CDK6: variants seen among roughly 807,000 people sequenced by gnomAD.
CDK6 encodes the protein cyclin dependent kinase 6.
A neutral mutation model predicts 37.1 loss-of-function variants in CDK6; 6 were observed. The ratio of observed to expected loss-of-function variants is 0.16; its 90% CI spans 0.09 to 0.32. CDK6 has a LOEUF of 0.32. CDK6 is among the 10% of genes least tolerant of loss of function. CDK6 has a pLI of 1.00. For missense variants in CDK6, 224 were observed against 418.9 expected (o/e 0.53, Z 4.06); for synonymous variants, 160 against 161.3 (o/e 0.99, Z 0.06).
rs929714659 is a variant in CDK6 at position 92,611,727 on chromosome 7, A to G, written c.*3413T>C. On this transcript the variant is annotated 3_prime_UTR_variant, in exon 8 of 8. Transcript: ENST00000424848. The stretch of plus-strand genomic sequence containing the variant: ...TCTCTATAGAAAAGAAACATGCTTT[A>G]TTTAAGATAGGAACATCTCATGCCT... 4.3e-6 allele frequency: 1 copy of G among 230,066 alleles called. No homozygotes were observed. Among genetic ancestry groups the G allele is most frequent in the Non-Finnish European group, 8.6e-6 (1 of 116,114 alleles). The allele number at this position is 230,066 out of a possible 1,614,324, so 14.3% of individuals were successfully genotyped here. A position where few individuals can be genotyped will look rare whatever the true frequency, so the allele number is the denominator to read the frequency against.
At chr7:92,666,104 G>A (rs879616335) in intron 5 of CDK6, among the ~76,000 whole-genome samples, 4 of 152,144 alleles carry the variant, frequency 2.6e-5, no homozygotes, top group Non-Finnish European at 4.4e-5. Flanking sequence ...GGTGAGCCTC[G>A]CTGACACATA....
intron 5 of CDK6, among the ~76,000 whole-genome samples, chr7:92,631,796 G>C (rs547746516): frequency 1.3e-5 from 2 of 152,262 alleles, no homozygotes; most frequent in African/African-American, 4.8e-5. Flanking sequence ...GAATGATTCT[G>C]AAGTGCTGTG....
At chr7:92,827,776 T>C (rs112851210) in intron 2 of CDK6, among the ~76,000 whole-genome samples, 17 of 152,326 alleles carry the variant, frequency 1.1e-4, no homozygotes, top group Non-Finnish European at 4.4e-5. Flanking sequence ...ATTTCATCTC[T>C]GCTGTGTTCT....
At chr7:92,780,898 C>CT (rs1799974852) in intron 2 of CDK6, among the ~76,000 whole-genome samples, 1 of 151,976 alleles carries the variant, frequency 6.6e-6, no homozygotes, top group South Asian at 2.1e-4. Context: ...TTTCTAAAAC[C>CT]TTTTTTTAAA....
chr7:92,709,665 G>A lies in CDK6; in HGVS notation c.537+15961C>T, dbSNP rs544572941. Among the ~76,000 whole-genome samples, 50 of 151,794 alleles carry A rather than the reference G, an allele frequency of 3.3e-4. 1 individual carries two copies. Among genetic ancestry groups the A allele is most frequent in the Non-Finnish European group, 6.2e-4 (42 of 67,938 alleles). On this transcript the variant is annotated intron_variant, in intron 4 of 7. Coordinates refer to ENST00000424848, the MANE Select transcript of CDK6 (RefSeq NM_001145306.2). ...ATACTATTTATGTAATATAAATTAC[G>A]TAAATAATATTAATGAAATTCACAT...
At chr7:92,743,423 TAAAA>T (rs112929160) in intron 3 of CDK6, among the ~76,000 whole-genome samples, 1 of 149,228 alleles carries the variant, frequency 6.7e-6, no homozygotes, top group African/African-American at 2.5e-5. Context: ...AAAATAATAA[TAAAA>T]AAAGAACTCC....
At chr7:92,646,503 T>C (rs1447815000) in intron 5 of CDK6, among the ~76,000 whole-genome samples, 1 of 151,872 alleles carries the variant, frequency 6.6e-6, no homozygotes, top group Non-Finnish European at 1.5e-5. Context: ...GTTCAAGCGA[T>C]TCTCCTGCCT....
At chr7:92,665,752 A>T (rs1247661875) in intron 5 of CDK6, among the ~76,000 whole-genome samples, 2 of 152,244 alleles carry the variant, frequency 1.3e-5, no homozygotes, top group Non-Finnish European at 2.9e-5. Context: ...ACATCACAGT[A>T]ATACACAAAT....
At chr7:92,799,480 T>C (rs1032119866) in intron 2 of CDK6, among the ~76,000 whole-genome samples, 1 of 151,408 alleles carries the variant, frequency 6.6e-6, no homozygotes, top group Non-Finnish European at 1.5e-5. Flanking sequence ...AAATGCAGAG[T>C]CTCAAGTTTC....
intron 5 of CDK6, among the ~76,000 whole-genome samples, chr7:92,652,870 T>C (rs1276866687): frequency 1.3e-5 from 2 of 152,190 alleles, no homozygotes; most frequent in East Asian, 1.9e-4. Flanking sequence ...CTCAGGTAAA[T>C]GCCCAATGGG....
intron 6 of CDK6, among the ~76,000 whole-genome samples, chr7:92,618,795 A>C (rs1019548727): frequency 2.5e-4 from 38 of 152,362 alleles, no homozygotes; most frequent in African/African-American, 7.0e-4. Flanking sequence ...GATTTTATAA[A>C]AGGAAGTCTG....
intron 5 of CDK6, among the ~76,000 whole-genome samples, chr7:92,627,112 A>C (rs1249497170): frequency 6.6e-6 from 1 of 152,092 alleles, no homozygotes; most frequent in African/African-American, 2.4e-5. Flanking sequence ...ATGGACTTAC[A>C]ATGGAATATC....
At chr7:92,803,170 C>T (rs896772953) in intron 2 of CDK6, among the ~76,000 whole-genome samples, 2 of 152,112 alleles carry the variant, frequency 1.3e-5, no homozygotes, top group Non-Finnish European at 2.9e-5. Context: ...CACAATCAAC[C>T]ACATAATAAG....
chr7:92,698,322 T>C (rs1485651066), intron 4 of CDK6, among the ~76,000 whole-genome samples: 1 of 152,184 alleles, frequency 6.6e-6, no homozygotes, highest in Non-Finnish European at 1.5e-5. Flanking sequence ...CTAAAAGGAA[T>C]GTTACAGGGG....
In CDK6 at chr7:92,677,392, C is replaced by T. The variant is rs544632789; in HGVS notation, c.538-5857G>A. Among the ~76,000 whole-genome samples the T allele has an allele frequency of 3.5e-4, 53 of 152,002 alleles. 2 individuals are homozygous for T. In the East Asian group the frequency reaches 0.01, roughly 29 times the overall value. On this transcript the variant is annotated intron_variant, in intron 4 of 7. Transcript: ENST00000424848. ...CAGCACTTTGGGAGGCTGAAGCAGG[C>T]GGATCACTTGAGGTCAGGAGTTCAA...
chr7:92,725,140 C>G (rs1413594983), intron 4 of CDK6: 1 of 985,256 alleles, frequency 1.0e-6, no homozygotes, highest in Non-Finnish European at 1.2e-6. Flanking sequence ...CATGCATCAT[C>G]CAAGTTCACT....
intron 2 of CDK6, among the ~76,000 whole-genome samples, chr7:92,792,913 G>C (rs1800318787): frequency 6.6e-6 from 1 of 151,540 alleles, no homozygotes; most frequent in Admixed American, 6.6e-5. Flanking sequence ...CATAAAACAA[G>C]CAGAATAGCA....
intron 2 of CDK6, among the ~76,000 whole-genome samples, chr7:92,780,471 G>C (rs1267812463): frequency 2.0e-5 from 3 of 152,020 alleles, no homozygotes; most frequent in Admixed American, 6.6e-5. Flanking sequence ...TGTAAAAACT[G>C]GAAAATAGGC....
At chr7:92,738,104 T>C (rs778147798) in intron 3 of CDK6, among the ~76,000 whole-genome samples, 5 of 152,188 alleles carry the variant, frequency 3.3e-5, no homozygotes, top group Admixed American at 2.6e-4. Context: ...TCAGTTATGA[T>C]AGAGGTAGCC....
Sources: allele counts gnomAD v4.1 joint callset (sites outside exome capture counted in the v4.1 genomes callset), GRCh38; gene constraint gnomAD v4.1.1; transcripts MANE v1.5; gene names NCBI Gene and HGNC (gene_info 2026-07-23, HGNC 2026-07-21).